SOX5: variants seen among roughly 807,000 people sequenced by gnomAD.
The protein encoded by SOX5 is transcription factor SOX-5.
In SOX5, 9 loss-of-function variants were observed where a neutral mutation model predicts 92.0. The ratio of observed to expected loss-of-function variants is 0.10; its 90% CI spans 0.06 to 0.17. The LOEUF is 0.17. Among genes scored for constraint, SOX5 ranks in the 10% least tolerant of loss-of-function variants. SOX5 has a pLI of 1.00. For synonymous variants in SOX5, 344 were observed against 336.3 expected, an observed-to-expected ratio of 1.02 and a Z score of -0.25; for missense variants, 642 against 944.5, an observed-to-expected ratio of 0.68 and a Z score of 4.20.
At chr12:23,910,224 A>G (rs2097336881) in intron 1 of SOX5, among the ~76,000 whole-genome samples, 1 of 152,160 alleles carries the variant, frequency 6.6e-6, no homozygotes, top group Non-Finnish European at 1.5e-5. Flanking sequence ...TGAGTGCTGA[A>G]ATCTAGGATA....
rs74831819 is a variant in SOX5, at chr12:24,354,530, A to G, written c.-174+14033T>C. Among the ~76,000 whole-genome samples the G allele has an allele frequency of 3.6e-3, 544 of 152,370 alleles. 5 individuals are homozygous for G. Among genetic ancestry groups the G allele is most frequent in the Non-Finnish European group, 6.7e-3 (453 of 68,038 alleles). On this transcript the variant is annotated intron_variant, in intron 2 of 4. Coordinates refer to the SOX5 transcript ENST00000446891. ...AAACCTCTGTCAGTACAGAACATTT[A>G]CTGGAGCAGAGCAGCTGCTTGGAAA...
chr12:23,828,357 T>A (rs761993375), intron 3 of SOX5, among the ~76,000 whole-genome samples: 10 of 152,220 alleles, frequency 6.6e-5, no homozygotes, highest in Non-Finnish European at 1.2e-4. Flanking sequence ...TGTATGTGTA[T>A]AAAATTCAGA....
At chr12:24,538,058 G>A (rs554045029) in intron 1 of SOX5, among the ~76,000 whole-genome samples, 11 of 152,102 alleles carry the variant, frequency 7.2e-5, no homozygotes, top group Non-Finnish European at 1.2e-4. Flanking sequence ...AACATTAACG[G>A]GAAGCAATAT....
intron 1 of SOX5, among the ~76,000 whole-genome samples, chr12:24,419,747 A>G (rs1465489519): frequency 6.6e-6 from 1 of 152,242 alleles, no homozygotes; most frequent in Non-Finnish European, 1.5e-5. Flanking sequence ...TAAAGGTAAT[A>G]TCTAGAATGT....
intron 3 of SOX5, among the ~76,000 whole-genome samples, chr12:24,222,910 C>G (rs1356211708): frequency 6.6e-6 from 1 of 152,078 alleles, no homozygotes; most frequent in Non-Finnish European, 1.5e-5. Flanking sequence ...GGAATAGACA[C>G]CCTACAGTGA....
At chr12:24,275,917 T>C (rs989557422) in intron 3 of SOX5, among the ~76,000 whole-genome samples, 7 of 152,098 alleles carry the variant, frequency 4.6e-5, no homozygotes, top group Admixed American at 2.0e-4. Flanking sequence ...AAGTGAGGCA[T>C]AGCTTTGCAT....
chr12:24,029,678 C>A (rs1482763722), intron 4 of SOX5, among the ~76,000 whole-genome samples: 1 of 151,874 alleles, frequency 6.6e-6, no homozygotes, highest in African/African-American at 2.4e-5. Flanking sequence ...TTTTATTTTT[C>A]AAAAATGTTG....
At chr12:24,449,327 GTCT>G (rs1941941444) in intron 1 of SOX5, among the ~76,000 whole-genome samples, 1 of 152,136 alleles carries the variant, frequency 6.6e-6, no homozygotes, top group African/African-American at 2.4e-5. Context: ...AACCACATTA[GTCT>G]TCTCTCTGTT....
intron 4 of SOX5, among the ~76,000 whole-genome samples, chr12:23,982,731 AAAAT>A (rs1949687232): frequency 6.6e-6 from 1 of 152,074 alleles, no homozygotes; most frequent in African/African-American, 2.4e-5. Context: ...GAAAAAGGTG[AAAAT>A]AATTTTAATA....
At chr12:24,325,318 T>C (rs879404031) in intron 2 of SOX5, among the ~76,000 whole-genome samples, 1 of 152,198 alleles carries the variant, frequency 6.6e-6, no homozygotes, top group Non-Finnish European at 1.5e-5. Flanking sequence ...ATGAGTGCAA[T>C]CTTTTATAGT....
In SOX5 at chr12:24,091,346, G is replaced by A. The variant is rs994214646; in HGVS notation, c.-2+121997C>T. Among the ~76,000 whole-genome samples the A allele has an allele frequency of 4.6e-5, 7 of 151,910 alleles. No homozygotes were observed. The East Asian group carries it at 1.2e-3, about 25-fold the overall frequency. On this transcript the variant is annotated intron_variant, in intron 4 of 4. Coordinates refer to the SOX5 transcript ENST00000446891. ...GGTGTTTTTCTACTTAAAGCTAGTG[G>A]CTAAATTTCAAATTTGAGAAGTTTC...
Position 24,137,554 on chromosome 12 carries a change from C to T in SOX5, c.-2+75789G>A, listed in dbSNP as rs111809652. Among the ~76,000 whole-genome samples, 39 of 152,234 alleles carry T rather than the reference C, an allele frequency of 2.6e-4. 1 individual carries two copies. The highest frequency in any genetic ancestry group is 8.4e-4 in the African/African-American group (35 of 41,550). On this transcript the variant is annotated intron_variant, in intron 4 of 4. Coordinates refer to the SOX5 transcript ENST00000446891. ...GGCTGAGGCAGGACAAACACTTGAA[C>T]CCTGGAGATGGAGGTTGCAGTGAGC...
chr12:24,155,410 AT>A (rs1172249483), intron 4 of SOX5, among the ~76,000 whole-genome samples: 2 of 152,000 alleles, frequency 1.3e-5, no homozygotes, highest in Admixed American at 6.6e-5. Flanking sequence ...CAAACTTCTT[AT>A]TTTTTTGACA....
intron 13 of SOX5, among the ~76,000 whole-genome samples, chr12:23,539,628 A>C (rs1004897112): frequency 6.6e-6 from 1 of 152,112 alleles, no homozygotes; most frequent in Non-Finnish European, 1.5e-5. Flanking sequence ...AAAGAGGAAA[A>C]AAAGATGCGT....
At chr12:24,196,357 G>A (rs1376003036) in intron 4 of SOX5, among the ~76,000 whole-genome samples, 1 of 152,202 alleles carries the variant, frequency 6.6e-6, no homozygotes, top group Non-Finnish European at 1.5e-5. Context: ...AAAGAAAACA[G>A]TATTGAGTTA....
At chr12:24,083,929 A>G (rs764414442) in intron 4 of SOX5, among the ~76,000 whole-genome samples, 3 of 151,998 alleles carry the variant, frequency 2.0e-5, no homozygotes, top group Non-Finnish European at 4.4e-5. Context: ...AGTACAGCTG[A>G]CTCGTGTGGG....
intron 1 of SOX5, among the ~76,000 whole-genome samples, chr12:24,416,061 G>C (rs2136864430): frequency 6.6e-6 from 1 of 152,338 alleles, no homozygotes; most frequent in East Asian, 1.9e-4. Context: ...AAGACTTGGA[G>C]CTGCAGTGAG....
chr12:24,089,322 A>C (rs563378263), intron 4 of SOX5, among the ~76,000 whole-genome samples: 2 of 152,198 alleles, frequency 1.3e-5, no homozygotes, highest in African/African-American at 4.8e-5. Flanking sequence ...AGTCACTAAG[A>C]TCCATCTGCA....
chr12:24,457,230 C>G (rs1943116627), intron 1 of SOX5, among the ~76,000 whole-genome samples: 1 of 152,036 alleles, frequency 6.6e-6, no homozygotes, highest in Non-Finnish European at 1.5e-5. Context: ...GACTAAGACT[C>G]CAAAAGAGGA....
Sources: allele counts gnomAD v4.1 joint callset (sites outside exome capture counted in the v4.1 genomes callset), GRCh38; gene constraint gnomAD v4.1.1; transcripts MANE v1.5; gene names NCBI Gene and HGNC (gene_info 2026-07-23, HGNC 2026-07-21).